Variants in ZNF227 observed in about 807,000 individuals in gnomAD.
ZNF227 encodes zinc finger protein 227.
ZNF227 carries 12 observed loss-of-function variants against 13.2 expected under a neutral mutation model. The ratio of observed to expected loss-of-function variants is 0.91; its 90% confidence interval spans 0.58 to 1.47. The LOEUF (loss-of-function observed/expected upper bound fraction) is 1.47, where lower values mean the gene tolerates loss of function less well. ZNF227 is among the 40% of genes most tolerant of loss of function. The pLI is 0.00. For missense variants in ZNF227, 885 were observed against 967.5 expected (o/e 0.91, Z 1.13); for synonymous variants, 338 against 326.0 (o/e 1.04, Z -0.40).
At chr19:44,234,579 A>G (rs1974206928) in intron 5 of ZNF227, 123 bp from the exon 6 acceptor site, 1 of 870,740 alleles carries the variant, frequency 1.1e-6, no homozygotes, top group African/African-American at 1.7e-5. Flanking sequence ...TGTAAGGACA[A>G]GGTCACCTTT....
chr19:44,230,908 CAAAA>C (rs561975781), intron 5 of ZNF227, among the ~76,000 whole-genome samples: 16,961 of 55,418 alleles, frequency 0.31, 1,509 homozygotes, highest in South Asian at 0.39. Context: ...TCCATCTCTA[CAAAA>C]AAAAAAAAAA....
chr19:44,222,930 T>C (rs1462415327), intron 3 of ZNF227, among the ~76,000 whole-genome samples: 1 of 150,960 alleles, frequency 6.6e-6, no homozygotes, highest in African/African-American at 2.4e-5. Context: ...TATTTTGAGA[T>C]ATGTCCCATC....
chr19:44,212,318 C>T (rs932564433), upstream of ZNF227, among the ~76,000 whole-genome samples: 1 of 150,368 alleles, frequency 6.7e-6, no homozygotes, highest in African/African-American at 2.5e-5. Context: ...CCGGGAGCTC[C>T]GAGAATTTTG....
chr19:44,217,637 T>G (rs1972031083), intron 2 of ZNF227, 154 bp from the exon 3 acceptor site: 6 of 842,964 alleles, frequency 7.1e-6, no homozygotes, highest in South Asian at 6.7e-5. Context: ...TGAACTATCA[T>G]GCCATTTAGT....
Position 44,235,204 on chromosome 19 carries a change from C to T in ZNF227, c.774C>T (p.Gly258=), listed in dbSNP as rs1974306437. 1.9e-6 allele frequency: 3 copies of T among 1,614,048 alleles called. No individual in the cohort carries two copies. Among genetic ancestry groups the T allele is most frequent in the Non-Finnish European group, 2.5e-6 (3 of 1,180,010 alleles). ...ATCCATGTGGTGAGTGTGGAAGGGG[C>T]TTCAGTTATAGCCCAAGGCTTCCCC... is the stretch of plus-strand genomic sequence containing the variant. ...KPHPCGECGR[G]FSYSPRLPLH... is the part of the protein sequence containing the mutation. The change falls in exon 6 of 6, where the codon GGC becomes GGT. Residue 258 remains glycine, a synonymous_variant. Coordinates refer to ENST00000313040, the MANE Select transcript of ZNF227 (RefSeq NM_182490.3).
At chr19:44,225,672 A>G (rs1032556607) in intron 3 of ZNF227, among the ~76,000 whole-genome samples, 1 of 151,920 alleles carries the variant, frequency 6.6e-6, no homozygotes, top group African/African-American at 2.4e-5. Context: ...ATTTGTCTAA[A>G]TTTTTTTCAA....
Position 44,236,777 on chromosome 19 carries a change from C to T in ZNF227, c.2347C>T (p.His783Tyr), listed in dbSNP as rs1372673297. 6.2e-7 allele frequency: 1 copy of T among 1,610,098 alleles called. No homozygotes were observed. Among genetic ancestry groups the T allele is most frequent in the South Asian group, 1.1e-5 (1 of 90,434 alleles). Residue 783 changes from histidine to tyrosine, a missense_variant, in exon 6 of 6, where the codon CAC (histidine) becomes TAC (tyrosine). Physicochemically the swap from His to Tyr is moderately conservative, Grantham distance 83 (BLOSUM62 2). Transcript: ENST00000313040. Reference sequence around the variant, plus strand: ...TGACATATGTGATAAGGACTTCCGTCACCGTTCACGTCTTACATATCATCA... The same window carrying T: ...TGACATATGTGATAAGGACTTCCGTTACCGTTCACGTCTTACATATCATCA... ...KCDICDKDFR[H>Y]RSRLTYHQKV...
At chr19:44,221,408 T>A (rs1972501205) in intron 3 of ZNF227, among the ~76,000 whole-genome samples, 1 of 152,214 alleles carries the variant, frequency 6.6e-6, no homozygotes, top group African/African-American at 2.4e-5. Flanking sequence ...TTTCTCCACA[T>A]CCTCTCCAGC....
rs558333840 is a variant in ZNF227 at position 44,215,292 on chromosome 19, G to T, written c.-3+2048G>T. On this transcript the variant is annotated intron_variant, in intron 2 of 5. Coordinates refer to ENST00000313040, the MANE Select transcript of ZNF227 (RefSeq NM_182490.3). Reference sequence around the variant, plus strand: ...AGCGATTCTCCTGCCTCAGCCTCCCGAGTAGCTGAGGTCAGTTTTTTTTTT... The same window carrying T: ...AGCGATTCTCCTGCCTCAGCCTCCCTAGTAGCTGAGGTCAGTTTTTTTTTT... 2.0e-5 allele frequency among the ~76,000 whole-genome samples: 3 copies of T among 150,772 alleles called. No individual in the cohort carries two copies. The East Asian group carries it at 5.9e-4, about 30-fold the overall frequency.
intron 5 of ZNF227, among the ~76,000 whole-genome samples, chr19:44,233,941 T>G (rs1483366907): frequency 6.6e-6 from 1 of 152,084 alleles, no homozygotes; most frequent in Non-Finnish European, 1.5e-5. Flanking sequence ...TATTTTTACA[T>G]CGTGTGTTAT....
chr19:44,215,141 C>A (rs964865519), intron 2 of ZNF227, among the ~76,000 whole-genome samples: 1 of 150,542 alleles, frequency 6.6e-6, no homozygotes, highest in African/African-American at 2.4e-5. Flanking sequence ...AGATGGTTGT[C>A]TTAAAGCATA....
In ZNF227 at chr19:44,215,403, A is replaced by G. The variant is rs183251129; in HGVS notation, c.-3+2159A>G. On this transcript the variant is annotated intron_variant, in intron 2 of 5. Coordinates refer to ENST00000313040, the MANE Select transcript of ZNF227 (RefSeq NM_182490.3). ...TCTTTTTTTTGTTCTTTTTCTTTCA[A>G]ACTTTTTTGTCATTATGTTTTCGTA... 8.4e-4 allele frequency among the ~76,000 whole-genome samples: 127 copies of G among 150,800 alleles called. 1 individual carries two copies. The highest frequency in any genetic ancestry group is 2.9e-3 in the African/African-American group (120 of 41,198).
Position 44,236,096 on chromosome 19 carries a change from G to A in ZNF227, c.1666G>A (p.Asp556Asn). The stretch of plus-strand genomic sequence containing the variant: ...ATATAGATGTGATGTGTGTGGTAAG[G>A]ACTTCAGTTATAGTTCAAATCTTAA... ...KPYRCDVCGK[D>N]FSYSSNLKLH... is the part of the protein sequence containing the mutation. Residue 556 changes from aspartate (D) to asparagine (N), a missense_variant, in exon 6 of 6, where the codon GAC (aspartate) becomes AAC (asparagine). By Grantham distance (23) the Asp-to-Asn change is conservative. Transcript: ENST00000313040. The A allele has an allele frequency of 6.2e-7, 1 of 1,614,046 alleles. No individual in the cohort carries two copies. The highest frequency in any genetic ancestry group is 1.3e-5 in the African/African-American group (1 of 74,984).
intron 3 of ZNF227, among the ~76,000 whole-genome samples, chr19:44,224,579 G>A (rs1402263934): frequency 6.6e-6 from 1 of 152,118 alleles, no homozygotes; most frequent in Non-Finnish European, 1.5e-5. Context: ...TCAGAGACAA[G>A]GATTGCAACC....
intron 5 of ZNF227, among the ~76,000 whole-genome samples, chr19:44,230,259 C>A (rs567840934): frequency 6.4e-4 from 97 of 152,262 alleles, no homozygotes; most frequent in African/African-American, 2.0e-3. Context: ...AAGCAGTCTT[C>A]CCACCTCGGC....
At chr19:44,219,139 G>A (rs1342985996) in intron 3 of ZNF227, among the ~76,000 whole-genome samples, 4 of 152,186 alleles carry the variant, frequency 2.6e-5, no homozygotes, top group South Asian at 4.2e-4. Context: ...CACCCACTTC[G>A]GCCTCCCAAA....
intron 5 of ZNF227, among the ~76,000 whole-genome samples, chr19:44,230,512 A>G (rs1279337264): frequency 6.6e-6 from 1 of 151,928 alleles, no homozygotes; most frequent in Non-Finnish European, 1.5e-5. Flanking sequence ...CCGTTGGAGT[A>G]TTTGTTAAGC....
At chr19:44,231,837 C>G (rs957137294) in intron 5 of ZNF227, among the ~76,000 whole-genome samples, 6 of 152,212 alleles carry the variant, frequency 3.9e-5, no homozygotes, top group African/African-American at 1.4e-4. Context: ...TTCAAACCTA[C>G]TAACCTTAGA....
intron 3 of ZNF227, among the ~76,000 whole-genome samples, chr19:44,223,342 C>A (rs1453108421): frequency 6.6e-6 from 1 of 152,180 alleles, no homozygotes; most frequent in African/African-American, 2.4e-5. Flanking sequence ...AGGAATGGTA[C>A]CAGCTCCTCC....
Sources: allele counts gnomAD v4.1 joint callset (sites outside exome capture counted in the v4.1 genomes callset), GRCh38; gene constraint gnomAD v4.1.1; transcripts MANE v1.5; gene names NCBI Gene and HGNC (gene_info 2026-07-23, HGNC 2026-07-21).